GDAP1: variants seen among roughly 807,000 people sequenced by gnomAD.
GDAP1 encodes the protein ganglioside-induced differentiation-associated protein 1.
GDAP1 carries 34 observed loss-of-function variants against 40.1 expected under a neutral mutation model. That is an observed-to-expected ratio of 0.85 (90% confidence interval 0.64 to 1.13). The LOEUF (loss-of-function observed/expected upper bound fraction) is 1.13, where lower values mean the gene tolerates loss of function less well. GDAP1 is among the 50% of genes most tolerant of loss of function. GDAP1 has a pLI of 0.00. For synonymous variants in GDAP1, 170 were observed against 157.4 expected (o/e 1.08, Z -0.60); for missense variants, 374 against 433.7 (o/e 0.86, Z 1.22).
At chr8:74,389,312 A>C (rs1416271595) in intron 2 of GDAP1, among the ~76,000 whole-genome samples, 1 of 152,152 alleles carries the variant, frequency 6.6e-6, no homozygotes, top group Non-Finnish European at 1.5e-5. Flanking sequence ...AGTGGCTGGT[A>C]CTGGTTTTTC....
intron 2 of GDAP1, among the ~76,000 whole-genome samples, chr8:74,381,392 A>G (rs1273284667): frequency 1.3e-5 from 2 of 152,136 alleles, no homozygotes; most frequent in African/African-American, 4.8e-5. Flanking sequence ...AGTGAGTAGA[A>G]AGATCACCAA....
intron 2 of GDAP1, among the ~76,000 whole-genome samples, chr8:74,359,612 C>T (rs542665574): frequency 6.6e-6 from 1 of 152,322 alleles, no homozygotes; most frequent in South Asian, 2.1e-4. Flanking sequence ...CCCTGATTAT[C>T]TTTCCATAAT....
At chr8:74,422,536 T>TTCCTTCCTTCCTTCC (rs1805891677) in intron 2 of GDAP1, among the ~76,000 whole-genome samples, 1 of 82,960 alleles carries the variant, frequency 1.2e-5, no homozygotes, top group Non-Finnish European at 2.2e-5. Context: ...TCCTTCCTTC[T>TTCCTTCCTTCCTTCC]TTCTTTCTCT....
chr8:74,430,036 C>G (rs1279617891), intron 2 of GDAP1, among the ~76,000 whole-genome samples: 1 of 151,918 alleles, frequency 6.6e-6, no homozygotes, highest in Admixed American at 6.6e-5. Flanking sequence ...GAGAAATGAA[C>G]ATAGTTCGGA....
chr8:74,412,499 G>GA (rs760335046), intron 2 of GDAP1, among the ~76,000 whole-genome samples: 47 of 150,042 alleles, frequency 3.1e-4, no homozygotes, highest in Admixed American at 2.6e-4. Context: ...AGCATCAAAA[G>GA]AAAAAATCAT....
intron 2 of GDAP1, among the ~76,000 whole-genome samples, chr8:74,416,223 A>G (rs1255335141): frequency 6.7e-6 from 1 of 149,858 alleles, no homozygotes; most frequent in African/African-American, 2.5e-5. Flanking sequence ...ACCCAGCCCC[A>G]ACCTGGCTTT....
At chr8:74,374,173 G>A (rs1445902813) in intron 2 of GDAP1, among the ~76,000 whole-genome samples, 1 of 152,084 alleles carries the variant, frequency 6.6e-6, no homozygotes, top group Non-Finnish European at 1.5e-5. Context: ...ATTGTATTGA[G>A]GATTTTTACA....
At chr8:74,446,156 G>C (rs1320911322) in intron 2 of GDAP1, among the ~76,000 whole-genome samples, 3 of 152,130 alleles carry the variant, frequency 2.0e-5, no homozygotes, top group Admixed American at 2.0e-4. Flanking sequence ...CCAAGTTGTG[G>C]ATTAAGGGAG....
At chr8:74,468,311 G>T (rs142152779) in intron 2 of GDAP1, among the ~76,000 whole-genome samples, 14 of 151,598 alleles carry the variant, frequency 9.2e-5, no homozygotes, top group African/African-American at 3.1e-4. Context: ...ATTTTTAATT[G>T]TTGTATTTCA....
chr8:74,443,205 T>C (rs1345293298), intron 2 of GDAP1, among the ~76,000 whole-genome samples: 1 of 152,114 alleles, frequency 6.6e-6, no homozygotes, highest in Admixed American at 6.6e-5. Flanking sequence ...CCCAGAACCA[T>C]AAGTGCATTT....
intron 2 of GDAP1, among the ~76,000 whole-genome samples, chr8:74,396,482 T>C (rs1301994876): frequency 2.0e-5 from 3 of 152,044 alleles, no homozygotes; most frequent in African/African-American, 7.2e-5. Flanking sequence ...ATTAGGTATA[T>C]CTCCTAATGC....
intron 2 of GDAP1, among the ~76,000 whole-genome samples, chr8:74,484,314 T>G (rs939516994): frequency 6.6e-6 from 1 of 152,184 alleles, no homozygotes; most frequent in Non-Finnish European, 1.5e-5. Flanking sequence ...TTTGCATCAG[T>G]GAGCTTAGAC....
intron 2 of GDAP1, among the ~76,000 whole-genome samples, chr8:74,379,435 A>C (rs974182634): frequency 6.6e-6 from 1 of 152,166 alleles, no homozygotes; most frequent in Non-Finnish European, 1.5e-5. Flanking sequence ...TAGACCTTCT[A>C]AAACCCAATG....
chr8:74,478,406 G>A (rs973768394), intron 2 of GDAP1, among the ~76,000 whole-genome samples: 5 of 152,042 alleles, frequency 3.3e-5, no homozygotes, highest in Non-Finnish European at 5.9e-5. Flanking sequence ...GCTGGTGTGT[G>A]TCTATGGGGG....
At chr8:74,377,200 T>C (rs1381880565) in intron 2 of GDAP1, among the ~76,000 whole-genome samples, 1 of 145,936 alleles carries the variant, frequency 6.9e-6, no homozygotes, top group East Asian at 2.0e-4. Flanking sequence ...ATAAATTAGA[T>C]GTTATCAAAG....
At chr8:74,469,725 C>T (rs1050057585) in intron 2 of GDAP1, among the ~76,000 whole-genome samples, 6 of 151,308 alleles carry the variant, frequency 4.0e-5, no homozygotes, top group Non-Finnish European at 8.8e-5. Flanking sequence ...CTTGTAATCC[C>T]AGCACTTTGG....
At chr8:74,388,395 T>C (rs1193407875) in intron 2 of GDAP1, among the ~76,000 whole-genome samples, 2 of 152,202 alleles carry the variant, frequency 1.3e-5, no homozygotes, top group African/African-American at 4.8e-5. Context: ...TTCTCAGTGG[T>C]TTAAAAGAAC....
intron 2 of GDAP1, among the ~76,000 whole-genome samples, chr8:74,477,823 C>T (rs1237008360): frequency 6.6e-6 from 1 of 152,070 alleles, no homozygotes; most frequent in Admixed American, 6.5e-5. Flanking sequence ...TCAGCTGGGG[C>T]AAGGTGCTAG....
At chr8:74,360,414 G>A (rs1809308148) in intron 3 of GDAP1, 104 bp downstream of exon 3, 2 of 1,008,926 alleles carry the variant, frequency 2.0e-6, no homozygotes, top group Non-Finnish European at 3.1e-6. Flanking sequence ...TTGGGAATAG[G>A]GTTGTTGAGT....
Sources: allele counts gnomAD v4.1 joint callset (sites outside exome capture counted in the v4.1 genomes callset), GRCh38; gene constraint gnomAD v4.1.1; transcripts MANE v1.5; gene names NCBI Gene and HGNC (gene_info 2026-07-23, HGNC 2026-07-21).